PIK3C2A: variants seen among roughly 807,000 people sequenced by gnomAD.
The protein encoded by PIK3C2A is phosphatidylinositol-4-phosphate 3-kinase catalytic subunit type 2 alpha.
A neutral mutation model predicts 204.5 loss-of-function variants in PIK3C2A; 97 were observed. The ratio of observed to expected loss-of-function variants is 0.47; its 90% CI spans 0.40 to 0.56. The LOEUF is 0.56. Among genes scored for constraint, PIK3C2A ranks in the 20% least tolerant of loss-of-function variants. The pLI is 0.00. For missense variants in PIK3C2A, 1,735 were observed against 1,969.2 expected (o/e 0.88, Z 2.25); for synonymous variants, 653 against 664.4 (o/e 0.98, Z 0.26).
intron 28 of PIK3C2A, among the ~76,000 whole-genome samples, chr11:17,093,458 G>A (rs1244752591): frequency 2.0e-5 from 3 of 152,090 alleles, no homozygotes; most frequent in Middle Eastern, 6.8e-3. Flanking sequence ...TAGAAGAGAC[G>A]GTTCACCGTG....
chr11:17,104,879 A>G (rs1029104648), intron 23 of PIK3C2A, among the ~76,000 whole-genome samples: 3 of 152,072 alleles, frequency 2.0e-5, no homozygotes, highest in African/African-American at 7.2e-5. Context: ...CCTTCCTCCA[A>G]GATCTTTGGG....
intron 18 of PIK3C2A, 128 bp downstream of exon 18, chr11:17,118,517 T>A: frequency 1.8e-6 from 1 of 554,824 alleles, no homozygotes; most frequent in Middle Eastern, 4.7e-4. Flanking sequence ...TCCTTTAAAA[T>A]AATACCTTCA....
intron 2 of PIK3C2A, among the ~76,000 whole-genome samples, chr11:17,167,453 T>C (rs542367292): frequency 6.6e-6 from 1 of 151,994 alleles, no homozygotes; most frequent in East Asian, 1.9e-4. Context: ...AGAAACCCGG[T>C]TTCTACTAAA....
intron 8 of PIK3C2A, chr11:17,138,159 C>A (rs1313023340): frequency 1.2e-6 from 1 of 825,036 alleles, no homozygotes; most frequent in Non-Finnish European, 2.0e-6. Context: ...TCTCACAGCA[C>A]GAACCCCTCA....
chr11:17,165,909 A>G (rs1323601457), intron 2 of PIK3C2A, among the ~76,000 whole-genome samples: 1 of 151,778 alleles, frequency 6.6e-6, no homozygotes, highest in East Asian at 1.9e-4. Context: ...TATCATGAAA[A>G]TTTTCAAATA....
intron 13 of PIK3C2A, among the ~76,000 whole-genome samples, chr11:17,128,554 A>G (rs886894805): frequency 1.3e-5 from 2 of 152,202 alleles, no homozygotes; most frequent in African/African-American, 4.8e-5. Context: ...ATGCTTTAAT[A>G]TGCCAATGTG....
chr11:17,108,526 G>A (rs1848902470), intron 22 of PIK3C2A, among the ~76,000 whole-genome samples: 1 of 152,094 alleles, frequency 6.6e-6, no homozygotes, highest in Non-Finnish European at 1.5e-5. Context: ...TGAGGCAAGT[G>A]GATTGCTTGA....
At chr11:17,142,422 G>A (rs1850092662) in intron 8 of PIK3C2A, among the ~76,000 whole-genome samples, 1 of 152,068 alleles carries the variant, frequency 6.6e-6, no homozygotes, top group African/African-American at 2.4e-5. Flanking sequence ...AGCAGCTAAT[G>A]GAAATAAGGA....
chr11:17,179,907 C>G (rs1412616907), intron 1 of PIK3C2A, among the ~76,000 whole-genome samples: 1 of 152,150 alleles, frequency 6.6e-6, no homozygotes, highest in Non-Finnish European at 1.5e-5. Context: ...ATTGTCCTGG[C>G]TCTATATCAG....
At position 17,127,310 on chromosome 11, in the gene PIK3C2A, G is replaced by GT. The variant is rs201763390; in HGVS notation, c.2399+1989dup. ...AAAAATATTTTTAAAATAAATATGT[G>GT]TTTTTTTTTTCTTTTGGAGACAGAG... is the stretch of plus-strand genomic sequence containing the variant. On this transcript the variant is annotated intron_variant, in intron 13 of 32. Transcript: ENST00000691414. Among the ~76,000 whole-genome samples, 82 of 149,292 alleles carry GT rather than the reference G, an allele frequency of 5.5e-4. 1 individual carries two copies. The highest frequency in any genetic ancestry group is 2.5e-3 in the East Asian group (13 of 5,120).
chr11:17,125,117 T>A (rs1224836501), intron 13 of PIK3C2A, among the ~76,000 whole-genome samples: 1 of 152,188 alleles, frequency 6.6e-6, no homozygotes, highest in Non-Finnish European at 1.5e-5. Context: ...CCATCAATTA[T>A]GAAGTTGCAG....
intron 22 of PIK3C2A, among the ~76,000 whole-genome samples, 174 bp from the exon 23 acceptor site, chr11:17,105,479 C>T (rs140103656): frequency 1.1e-3 from 162 of 152,300 alleles, no homozygotes; most frequent in African/African-American, 3.7e-3. Flanking sequence ...GCTACACCTA[C>T]CAACCCGTCA....
At chr11:17,104,532 C>T (rs546903258) in intron 23 of PIK3C2A, among the ~76,000 whole-genome samples, 162 of 151,912 alleles carry the variant, frequency 1.1e-3, no homozygotes, top group African/African-American at 3.7e-3. Context: ...GAGACCATCC[C>T]GGCTAACACA....
At chr11:17,179,468 C>T (rs912168771) in intron 1 of PIK3C2A, among the ~76,000 whole-genome samples, 20 of 152,088 alleles carry the variant, frequency 1.3e-4, no homozygotes, top group African/African-American at 4.8e-4. Flanking sequence ...GGCCAACCTA[C>T]AGCCTTTAAA....
At chr11:17,206,367 T>C (rs902576562) in intron 1 of PIK3C2A, among the ~76,000 whole-genome samples, 6 of 152,146 alleles carry the variant, frequency 3.9e-5, no homozygotes, top group African/African-American at 7.2e-5. Flanking sequence ...CCCAGTTACA[T>C]TGTTTTTCAG....
chr11:17,197,373 A>G lies in PIK3C2A; in HGVS notation c.-66+10475T>C, dbSNP rs12290259. Among the ~76,000 whole-genome samples the G allele has an allele frequency of 7.1e-3, 1,085 of 152,246 alleles. 23 individuals carry two copies. The highest frequency in any genetic ancestry group is 0.025 in the African/African-American group (1,036 of 41,550). The stretch of plus-strand genomic sequence containing the variant: ...CTCTATTAAAACGATTATCCACTGC[A>G]CAACTACTATAAGCACATTAATAAA... On this transcript the variant is annotated intron_variant, in intron 1 of 32. Transcript: ENST00000691414.
At chr11:17,193,864 A>AGGGGAGGGGAGGGGAGGGG (rs1852031240) in intron 1 of PIK3C2A, 1 of 94,740 alleles carries the variant, frequency 1.1e-5, no homozygotes. Context: ...AAAGAAAAGA[A>AGGGGAGGGGAGGGGAGGGG]AAGAAAAGAA....
intron 1 of PIK3C2A, among the ~76,000 whole-genome samples, chr11:17,192,842 C>T (rs1304227365): frequency 1.3e-5 from 2 of 152,230 alleles, no homozygotes; most frequent in Non-Finnish European, 2.9e-5. Context: ...TATGTGGTAA[C>T]TATGAAAACA....
intron 28 of PIK3C2A, among the ~76,000 whole-genome samples, chr11:17,093,135 C>A (rs1189268549): frequency 6.6e-6 from 1 of 152,152 alleles, no homozygotes; most frequent in Non-Finnish European, 1.5e-5. Flanking sequence ...CTTTTGAAAT[C>A]TAGTCTGAAG....
Sources: gnomAD v4.1 joint callset for allele counts (sites outside exome capture counted in the v4.1 genomes callset) on GRCh38, gnomAD v4.1.1 for gene constraint, MANE v1.5 for transcripts, NCBI Gene and HGNC (gene_info 2026-07-23, HGNC 2026-07-21) for gene names.